The following DCAF1 variants were observed in gnomAD, a reference collection of about 807,000 sequenced individuals.
DCAF1 encodes the protein DDB1 and CUL4 associated factor 1.
A neutral mutation model predicts 128.0 loss-of-function variants in DCAF1; 15 were observed. That is an observed-to-expected ratio of 0.12 (90% CI 0.08 to 0.18). The LOEUF (loss-of-function observed/expected upper bound fraction) is 0.18, where lower values mean the gene tolerates loss of function less well. Ranked by LOEUF, DCAF1 falls within the 10% of genes least tolerant of loss-of-function variation. DCAF1 has a pLI of 1.00. For synonymous variants in DCAF1, 610 were observed against 603.0 expected, an observed-to-expected ratio of 1.01 and a Z score of -0.17; for missense variants, 988 against 1,649.5, an observed-to-expected ratio of 0.60 and a Z score of 6.95.
intron 23 of DCAF1, among the ~76,000 whole-genome samples, chr3:51,408,692 A>C (rs191518748): frequency 6.6e-6 from 1 of 152,338 alleles, no homozygotes; most frequent in East Asian, 1.9e-4. Context: ...CAACAGAATT[A>C]AGGTTACAAA....
At chr3:51,447,140 C>T (rs1202137032) in intron 6 of DCAF1, among the ~76,000 whole-genome samples, 1 of 151,948 alleles carries the variant, frequency 6.6e-6, no homozygotes, top group Admixed American at 6.6e-5. Context: ...GGCATGGTGG[C>T]TCATGCCTGT....
intron 12 of DCAF1, among the ~76,000 whole-genome samples, chr3:51,428,378 G>A (rs1345658166): frequency 7.2e-6 from 1 of 138,500 alleles, no homozygotes; most frequent in Non-Finnish European, 1.5e-5. Flanking sequence ...AGACTGGAGT[G>A]CAGTGATATG....
At chr3:51,451,301 C>T (rs933987315) in intron 6 of DCAF1, among the ~76,000 whole-genome samples, 2 of 150,602 alleles carry the variant, frequency 1.3e-5, no homozygotes, top group Admixed American at 6.6e-5. Flanking sequence ...GCCCAGCCTG[C>T]AGCCAAATAA....
At chr3:51,493,133 C>T (rs1177658056) in intron 2 of DCAF1, among the ~76,000 whole-genome samples, 3 of 151,414 alleles carry the variant, frequency 2.0e-5, no homozygotes, top group African/African-American at 7.3e-5. Context: ...AATTTCACTA[C>T]TAGATATATA....
rs200404018 is a variant in DCAF1, at chr3:51,423,819, C to CA, written c.1848-1389dup. Among the ~76,000 whole-genome samples, 505 of 70,338 alleles carry CA rather than the reference C, an allele frequency of 7.2e-3. 4 individuals are homozygous for CA. The highest frequency in any genetic ancestry group is 0.02 in the South Asian group (39 of 1,978). 46.1% of individuals were successfully genotyped at this position (70,338 alleles called of 152,430 possible). A position where few individuals can be genotyped will look rare whatever the true frequency, so the allele number is the denominator to read the frequency against. ...TGGTCAACACAGTGAGACTCCGTTT[C>CA]AAAAAAAAAAAAAAAAAGAAAGAAA... On this transcript the variant is annotated intron_variant, in intron 13 of 24. Transcript: ENST00000684031.
At chr3:51,437,284 AAAAAAAG>A in intron 9 of DCAF1, 1 of 394,076 alleles carries the variant, frequency 2.5e-6, no homozygotes, top group Non-Finnish European at 4.9e-6. Flanking sequence ...AAAAAAAAAA[AAAAAAAG>A]AAAGAAAGAG....
chr3:51,498,376 GA>G (rs1175129153), intron 1 of DCAF1, among the ~76,000 whole-genome samples: 3,699 of 77,828 alleles, frequency 0.048, 68 homozygotes, highest in Non-Finnish European at 0.062. Context: ...AAAGAAAAAA[GA>G]AAAAAAAAAA....
intron 3 of DCAF1, among the ~76,000 whole-genome samples, chr3:51,474,176 T>C (rs1577265073): frequency 6.6e-6 from 1 of 152,022 alleles, no homozygotes; most frequent in East Asian, 2.0e-4. Context: ...CCCAGCACTT[T>C]GGGAGGCTGA....
intron 6 of DCAF1, among the ~76,000 whole-genome samples, chr3:51,448,916 T>C (rs1443139490): frequency 1.3e-5 from 2 of 152,014 alleles, no homozygotes; most frequent in South Asian, 2.1e-4. Context: ...TGTTCTTTTA[T>C]GTTTTTTTTT....
At chr3:51,396,179 T>G (rs1426613578), downstream of DCAF1, 1 of 376,898 alleles carries the variant, frequency 2.7e-6, no homozygotes. Context: ...GGAAGAATCA[T>G]CTACCTCCCA....
At position 51,419,772 on chromosome 3, in the gene DCAF1, C is replaced by T. The variant is rs1699232210; in HGVS notation, c.3198G>A (p.Val1066=). The stretch of plus-strand genomic sequence containing the variant: ...GGTGCCTATCAAAGCATCCGCCATC[C>T]ACCCCTCCATACTTTGGAAATGATG... ...RRASFPKYGG[V]DGGCFDRHLI... Residue 1066 remains valine, a synonymous_variant, in exon 15 of 25, where the codon GTG becomes GTA. Coordinates refer to ENST00000684031, the MANE Select transcript of DCAF1 (RefSeq NM_001387579.1). 6.2e-7 allele frequency: 1 copy of T among 1,613,564 alleles called. No homozygotes were observed. The highest frequency in any genetic ancestry group is 1.3e-5 in the African/African-American group (1 of 74,914).
At chr3:51,480,699 C>T (rs1023609681) in intron 3 of DCAF1, among the ~76,000 whole-genome samples, 4 of 151,630 alleles carry the variant, frequency 2.6e-5, no homozygotes, top group Non-Finnish European at 5.9e-5. Context: ...TGTGGGGCTA[C>T]TTATGATGTG....
intron 6 of DCAF1, among the ~76,000 whole-genome samples, chr3:51,445,558 G>A (rs1553640027): frequency 6.6e-6 from 1 of 152,178 alleles, no homozygotes; most frequent in East Asian, 1.9e-4. Flanking sequence ...GAGCTAGGAT[G>A]TGAACCTAGA....
At chr3:51,472,976 T>C (rs1334677063) in intron 3 of DCAF1, among the ~76,000 whole-genome samples, 1 of 151,144 alleles carries the variant, frequency 6.6e-6, no homozygotes, top group Non-Finnish European at 1.5e-5. Context: ...TCATGCATTA[T>C]TTATAAAACA....
At chr3:51,400,877 T>C (rs1248759687) in intron 24 of DCAF1, among the ~76,000 whole-genome samples, 1 of 152,040 alleles carries the variant, frequency 6.6e-6, no homozygotes, top group Non-Finnish European at 1.5e-5. Flanking sequence ...CTGATGCCTG[T>C]ATCCCAGCAC....
upstream of DCAF1, among the ~76,000 whole-genome samples, chr3:51,500,245 C>G (rs2108645526): frequency 1.3e-5 from 2 of 150,470 alleles, no homozygotes; most frequent in Middle Eastern, 7.0e-3. Context: ...TCGCCTGGCG[C>G]ATTGACTTCT....
At chr3:51,489,414 AAC>A (rs1407891767) in intron 2 of DCAF1, among the ~76,000 whole-genome samples, 1 of 151,982 alleles carries the variant, frequency 6.6e-6, no homozygotes, top group Non-Finnish European at 1.5e-5. Flanking sequence ...CAGCCTGGGC[AAC>A]AGAGTGAGAC....
intron 3 of DCAF1, among the ~76,000 whole-genome samples, chr3:51,473,133 G>A (rs1458629115): frequency 5.3e-5 from 8 of 150,684 alleles, no homozygotes; most frequent in South Asian, 2.1e-4. Flanking sequence ...AAAATTAACC[G>A]GGCACGGTGC....
chr3:51,429,650 A>G (rs1398177842), intron 11 of DCAF1, among the ~76,000 whole-genome samples, 180 bp from the exon 12 acceptor site: 2 of 152,228 alleles, frequency 1.3e-5, no homozygotes, highest in South Asian at 2.1e-4. Flanking sequence ...ATATTTATGT[A>G]TATCTATGTA....
Sources: gnomAD v4.1 joint callset for allele counts (sites outside exome capture counted in the v4.1 genomes callset) on GRCh38, gnomAD v4.1.1 for gene constraint, MANE v1.5 for transcripts, NCBI Gene and HGNC (gene_info 2026-07-23, HGNC 2026-07-21) for gene names.